MAML2: variants seen among roughly 807,000 people sequenced by gnomAD.
MAML2 encodes the protein mastermind-like protein 2.
In MAML2, 22 loss-of-function variants were observed where a neutral mutation model predicts 96.1. The observed-to-expected ratio is 0.23, with a 90% CI of 0.16 to 0.33. The LOEUF is 0.33. Ranked by LOEUF, MAML2 falls within the 10% of genes least tolerant of loss-of-function variation. The probability of loss-of-function intolerance (pLI) is 1.00; values close to 1 mark genes in which losing one functional copy is unlikely to be tolerated. For synonymous variants in MAML2, 561 were observed against 521.3 expected, an observed-to-expected ratio of 1.08 and a Z score of -1.04; for missense variants, 1,367 against 1,392.4, an observed-to-expected ratio of 0.98 and a Z score of 0.29.
chr11:96,181,951 T>C (rs1861493204), intron 1 of MAML2, among the ~76,000 whole-genome samples: 2 of 152,208 alleles, frequency 1.3e-5, no homozygotes, highest in Admixed American at 1.3e-4. Flanking sequence ...CTAAACTCAG[T>C]TTTATGTCTC....
At chr11:96,030,862 T>C (rs1858603287) in intron 2 of MAML2, among the ~76,000 whole-genome samples, 1 of 152,204 alleles carries the variant, frequency 6.6e-6, no homozygotes, top group Non-Finnish European at 1.5e-5. Context: ...GGGAAAATGG[T>C]GCTAAATATG....
intron 1 of MAML2, among the ~76,000 whole-genome samples, chr11:96,162,260 T>TA (rs1861117709): frequency 6.6e-6 from 1 of 150,924 alleles, no homozygotes. Flanking sequence ...TTTTTTTTTT[T>TA]AATTCATAAG....
At chr11:96,326,731 C>T (rs776675400) in intron 1 of MAML2, among the ~76,000 whole-genome samples, 1 of 151,482 alleles carries the variant, frequency 6.6e-6, no homozygotes, top group Non-Finnish European at 1.5e-5. Context: ...CACAATTGCA[C>T]TCCAGCCGGG....
intron 1 of MAML2, among the ~76,000 whole-genome samples, chr11:96,227,286 A>G (rs1247035064): frequency 2.0e-5 from 3 of 152,154 alleles, no homozygotes; most frequent in Non-Finnish European, 4.4e-5. Flanking sequence ...GTATATACTT[A>G]CCCTAGTACC....
intron 1 of MAML2, among the ~76,000 whole-genome samples, chr11:96,217,953 T>C (rs1862074498): frequency 6.6e-6 from 1 of 152,240 alleles, no homozygotes; most frequent in Non-Finnish European, 1.5e-5. Context: ...TGAAAGGATT[T>C]ATGTCTAAAT....
At chr11:96,181,126 CT>C (rs1187822887) in intron 1 of MAML2, among the ~76,000 whole-genome samples, 5 of 152,174 alleles carry the variant, frequency 3.3e-5, no homozygotes, top group Admixed American at 6.5e-5. Context: ...ATATTCACTT[CT>C]TTTGTGATTC....
chr11:96,280,048 C>G (rs138123148), intron 1 of MAML2, among the ~76,000 whole-genome samples: 185 of 152,136 alleles, frequency 1.2e-3, no homozygotes, highest in African/African-American at 4.3e-3. Flanking sequence ...TTTTATATAG[C>G]TCCATATAGA....
chr11:96,289,754 T>C (rs1863184945), intron 1 of MAML2, among the ~76,000 whole-genome samples: 1 of 152,196 alleles, frequency 6.6e-6, no homozygotes, highest in Admixed American at 6.5e-5. Context: ...TTTGGCATCA[T>C]GTATTTATTG....
chr11:96,236,302 C>T (rs1862366391), intron 1 of MAML2, among the ~76,000 whole-genome samples: 1 of 152,176 alleles, frequency 6.6e-6, no homozygotes, highest in Non-Finnish European at 1.5e-5. Context: ...GCAATTGCTA[C>T]TTGACAGAAT....
At chr11:96,049,180 C>T (rs1164654868) in intron 2 of MAML2, among the ~76,000 whole-genome samples, 7 of 152,150 alleles carry the variant, frequency 4.6e-5, no homozygotes, top group Non-Finnish European at 1.0e-4. Flanking sequence ...AGATGAGCTG[C>T]AGGGTGGTGA....
intron 1 of MAML2, among the ~76,000 whole-genome samples, chr11:96,216,655 C>T (rs1352272416): frequency 6.6e-6 from 1 of 152,160 alleles, no homozygotes; most frequent in Non-Finnish European, 1.5e-5. Context: ...GTATTACAGA[C>T]ACTCTGTTCT....
chr11:96,341,353 G>T (rs766378089), intron 1 of MAML2, 30 bp downstream of exon 1: 1 of 1,496,724 alleles, frequency 6.7e-7, no homozygotes, highest in Admixed American at 2.1e-5. Context: ...CAGGACCACA[G>T]CCAGAACCAT....
intron 1 of MAML2, among the ~76,000 whole-genome samples, chr11:96,299,049 A>AG (rs1356864773): frequency 5.7e-4 from 48 of 84,178 alleles, no homozygotes; most frequent in African/African-American, 2.6e-3. Context: ...CATCTCAAAA[A>AG]AAAAAAAAAA....
At chr11:96,310,992 T>C (rs1863535752) in intron 1 of MAML2, among the ~76,000 whole-genome samples, 1 of 152,220 alleles carries the variant, frequency 6.6e-6, no homozygotes, top group East Asian at 1.9e-4. Context: ...CCCAACTATG[T>C]CTAGGCACCA....
intron 1 of MAML2, among the ~76,000 whole-genome samples, chr11:96,194,841 C>G (rs1467962831): frequency 6.6e-6 from 1 of 152,188 alleles, no homozygotes; most frequent in Non-Finnish European, 1.5e-5. Context: ...CTCCCTGCCC[C>G]TCAACCTCTC....
chr11:96,281,992 G>C (rs886112828), intron 1 of MAML2, among the ~76,000 whole-genome samples: 1 of 152,262 alleles, frequency 6.6e-6, no homozygotes, highest in East Asian at 1.9e-4. Flanking sequence ...GCTCATGCCT[G>C]TAATCCCAGC....
In MAML2 at chr11:96,063,379, C is replaced by A. The variant is rs77897210; in HGVS notation, c.2139+28513G>T. Among the ~76,000 whole-genome samples, 334 of 152,272 alleles carry A rather than the reference C, an allele frequency of 2.2e-3. 1 individual carries two copies. The highest frequency in any genetic ancestry group is 7.6e-3 in the African/African-American group (314 of 41,530). On this transcript the variant is annotated intron_variant, in intron 2 of 4. Coordinates refer to ENST00000524717, the MANE Select transcript of MAML2 (RefSeq NM_032427.4). ...TCTGAGAAGTTAGGGGCTGTCTCTGCCTTTTTAGCACTGTACCCACAGTGC... is the reference window on the plus strand; with the variant it reads ...TCTGAGAAGTTAGGGGCTGTCTCTGACTTTTTAGCACTGTACCCACAGTGC...
intron 1 of MAML2, among the ~76,000 whole-genome samples, chr11:96,266,820 G>A (rs11021509): frequency 0.072 from 10,963 of 152,100 alleles, 509 homozygotes; most frequent in Middle Eastern, 0.13. Context: ...GACATGCCTC[G>A]GTGAATATCA....
intron 2 of MAML2, among the ~76,000 whole-genome samples, chr11:96,008,609 T>A (rs1271041603): frequency 6.6e-6 from 1 of 152,178 alleles, no homozygotes; most frequent in Non-Finnish European, 1.5e-5. Flanking sequence ...TATCTAGCCA[T>A]CCTCAGAAGA....
Sources: allele counts gnomAD v4.1 joint callset (sites outside exome capture counted in the v4.1 genomes callset), GRCh38; gene constraint gnomAD v4.1.1; transcripts MANE v1.5; gene names NCBI Gene and HGNC (gene_info 2026-07-23, HGNC 2026-07-21).